NR5A2: variants seen among roughly 807,000 people sequenced by gnomAD.
NR5A2 encodes nuclear receptor subfamily 5 group A member 2, also known as CYP7A promoter-binding factor.
A neutral mutation model predicts 62.7 loss-of-function variants in NR5A2; 26 were observed. That is an observed-to-expected ratio of 0.41 (90% CI 0.30 to 0.58). The LOEUF (loss-of-function observed/expected upper bound fraction) is 0.58, where lower values mean the gene tolerates loss of function less well. Ranked by LOEUF, NR5A2 falls within the 20% of genes least tolerant of loss-of-function variation. The pLI, the probability that NR5A2 is intolerant of heterozygous loss-of-function variation, is 0.22. For missense variants in NR5A2, 541 were observed against 669.1 expected, an observed-to-expected ratio of 0.81 and a Z score of 2.11; for synonymous variants, 246 against 241.7, an observed-to-expected ratio of 1.02 and a Z score of -0.16.
rs770456719 is a variant in NR5A2 at position 200,174,227 on chromosome 1, G to C, written c.*17G>C. 94 of 1,521,438 alleles carry C rather than the reference G, an allele frequency of 6.2e-5. No individual in the cohort carries two copies. The highest frequency in any genetic ancestry group is 8.1e-5 in the Non-Finnish European group (92 of 1,133,848). The allele number at this position is 1,521,438 out of a possible 1,614,324, so 94.2% of individuals were successfully genotyped here. On this transcript the variant is annotated 3_prime_UTR_variant, in exon 8 of 8. Transcript: ENST00000367362. ...AGAGCATAAGTTACAACCCCTAGGA[G>C]CTCTGCTTTCAAAACAAAAAGAGAT...
chr1:200,167,839 C>T (rs1653977568), intron 7 of NR5A2, among the ~76,000 whole-genome samples: 1 of 152,172 alleles, frequency 6.6e-6, no homozygotes, highest in South Asian at 2.1e-4. Context: ...CCACGCGTTG[C>T]TCAGCTCATT....
chr1:200,100,386 T>A (rs1665310942), intron 5 of NR5A2, among the ~76,000 whole-genome samples: 1 of 152,190 alleles, frequency 6.6e-6, no homozygotes, highest in African/African-American at 2.4e-5. Context: ...TATGTGGTGT[T>A]TTTAATAGGG....
chr1:200,076,205 T>A (rs1008871434), intron 5 of NR5A2, among the ~76,000 whole-genome samples: 3 of 152,202 alleles, frequency 2.0e-5, no homozygotes. Flanking sequence ...CCCAGCATGA[T>A]GATAAAGTTT....
chr1:200,037,263 G>C (rs1178944652), intron 1 of NR5A2, among the ~76,000 whole-genome samples: 3 of 152,134 alleles, frequency 2.0e-5, no homozygotes, highest in Non-Finnish European at 2.9e-5. Context: ...ACAATTTCAA[G>C]GTCCTGTCAG....
intron 5 of NR5A2, among the ~76,000 whole-genome samples, chr1:200,103,735 G>A (rs1665507997): frequency 6.6e-6 from 1 of 152,206 alleles, no homozygotes; most frequent in African/African-American, 2.4e-5. Flanking sequence ...TAGGCTAGAG[G>A]AGAAGGAGGC....
chr1:200,141,272 C>T (rs906828993), intron 7 of NR5A2, among the ~76,000 whole-genome samples: 3 of 152,090 alleles, frequency 2.0e-5, no homozygotes, highest in Non-Finnish European at 2.9e-5. Flanking sequence ...TTATAGCACC[C>T]ACCCCTCCCT....
chr1:200,137,799 A>T (rs1667293428), intron 7 of NR5A2, among the ~76,000 whole-genome samples: 1 of 152,118 alleles, frequency 6.6e-6, no homozygotes, highest in South Asian at 2.1e-4. Context: ...TTTTAAAAAA[A>T]GTTTATTGTT....
intron 7 of NR5A2, among the ~76,000 whole-genome samples, chr1:200,125,855 T>G (rs1666677905): frequency 6.6e-6 from 1 of 152,166 alleles, no homozygotes; most frequent in Non-Finnish European, 1.5e-5. Flanking sequence ...TTATTTATTC[T>G]TCTTAATTTT....
At chr1:200,046,781 G>A (rs1055039430) in intron 4 of NR5A2, among the ~76,000 whole-genome samples, 7 of 152,292 alleles carry the variant, frequency 4.6e-5, no homozygotes, top group South Asian at 2.1e-4. Context: ...CAGAAGATAA[G>A]TAAATGTTGT....
chr1:200,099,671 G>T (rs1665273416), intron 5 of NR5A2, among the ~76,000 whole-genome samples: 2 of 152,128 alleles, frequency 1.3e-5, no homozygotes, highest in Admixed American at 1.3e-4. Flanking sequence ...TCAGCTCACT[G>T]CAACCTCTGC....
intron 5 of NR5A2, among the ~76,000 whole-genome samples, chr1:200,081,413 A>G (rs551424009): frequency 1.3e-5 from 2 of 152,354 alleles, no homozygotes; most frequent in African/African-American, 2.4e-5. Flanking sequence ...CAATGCCTAA[A>G]GCAGAGATCA....
rs574800268 is a variant in NR5A2 at position 200,091,532 on chromosome 1, G to T, written c.1111-19670G>T. 2.1e-5 allele frequency among the ~76,000 whole-genome samples: 3 copies of T among 146,122 alleles called. No homozygotes were observed. The Admixed American group carries it at 2.1e-4, about 10-fold the overall frequency. On this transcript the variant is annotated intron_variant, in intron 5 of 7. Coordinates refer to ENST00000367362, the MANE Select transcript of NR5A2 (RefSeq NM_205860.3). ...CAGAGTCTTGCTCTGTCACCCAGGT[G>T]GGAGTGCAGTGGCGTGATCTCGGCT... is the stretch of plus-strand genomic sequence containing the variant.
intron 7 of NR5A2, among the ~76,000 whole-genome samples, chr1:200,127,067 C>A (rs115148009): frequency 1.3e-5 from 2 of 150,946 alleles, no homozygotes; most frequent in African/African-American, 2.4e-5. Context: ...AATGAAGAGA[C>A]CTAAGAGAAC....
At chr1:200,046,677 AATTG>A (rs1252964243) in intron 4 of NR5A2, among the ~76,000 whole-genome samples, 28 of 152,214 alleles carry the variant, frequency 1.8e-4, no homozygotes, top group African/African-American at 6.5e-4. Flanking sequence ...GAAAGGAAAT[AATTG>A]ATGCTTATTA....
chr1:200,120,155 A>G (rs1185511380), intron 6 of NR5A2, among the ~76,000 whole-genome samples: 1 of 152,170 alleles, frequency 6.6e-6, no homozygotes, highest in East Asian at 1.9e-4. Context: ...TGTTCTATAA[A>G]GAATAATTTA....
chr1:200,110,937 G>A (rs1267258919), intron 5 of NR5A2, among the ~76,000 whole-genome samples: 1 of 152,058 alleles, frequency 6.6e-6, no homozygotes, highest in Non-Finnish European at 1.5e-5. Context: ...TTAATGGAGT[G>A]CATTCTCCTA....
intron 5 of NR5A2, among the ~76,000 whole-genome samples, chr1:200,072,840 A>G (rs551682549): frequency 1.5e-4 from 23 of 152,316 alleles, no homozygotes; most frequent in African/African-American, 5.3e-4. Flanking sequence ...GAGCATCTCC[A>G]TGAGCCTTGT....
chr1:200,028,041 G>C (rs1661408290), intron 1 of NR5A2, 130 bp downstream of exon 1: 1 of 565,030 alleles, frequency 1.8e-6, no homozygotes, highest in African/African-American at 1.9e-5. Flanking sequence ...CACACAATAA[G>C]CCTATGTATA....
rs185581037 is a variant in NR5A2, at chr1:200,112,673, G to A, written c.1230+1352G>A. 2.5e-3 allele frequency among the ~76,000 whole-genome samples: 375 copies of A among 152,324 alleles called. 2 individuals carry two copies. Among genetic ancestry groups the A allele is most frequent in the African/African-American group, 8.4e-3 (351 of 41,582 alleles). On this transcript the variant is annotated intron_variant, in intron 6 of 7. Coordinates refer to ENST00000367362, the MANE Select transcript of NR5A2 (RefSeq NM_205860.3). ...GGTCCTTGCTATCTGCACCTCTCAG[G>A]AGAAAAGCGTTGCAGAGGAGAAAAT... is the stretch of plus-strand genomic sequence containing the variant.
Sources: gnomAD v4.1 joint callset for allele counts (sites outside exome capture counted in the v4.1 genomes callset) on GRCh38, gnomAD v4.1.1 for gene constraint, MANE v1.5 for transcripts, NCBI Gene and HGNC (gene_info 2026-07-23, HGNC 2026-07-21) for gene names.